Variants in DTNA observed in about 807,000 individuals in gnomAD.
DTNA encodes dystrobrevin alpha, also known as dystrophin-related protein 3.
A neutral mutation model predicts 100.7 loss-of-function variants in DTNA; 43 were observed. That is an observed-to-expected ratio of 0.43 (90% confidence interval 0.33 to 0.55). The LOEUF (loss-of-function observed/expected upper bound fraction) is 0.55, where lower values mean the gene tolerates loss of function less well. Ranked by LOEUF, DTNA falls within the 20% of genes least tolerant of loss-of-function variation. The pLI is 0.04. For missense variants in DTNA, 798 were observed against 953.9 expected (o/e 0.84, Z 2.15); for synonymous variants, 349 against 347.9 (o/e 1.00, Z -0.04).
At chr18:34,757,375 T>C (rs1250645971) in intron 2 of DTNA, 2 of 152,162 alleles carry the variant, frequency 1.3e-5, no homozygotes, top group Non-Finnish European at 2.9e-5. Context: ...CATAAAATTA[T>C]GTCTTATATT....
chr18:34,541,694 A>C (rs947178034), intron 1 of DTNA, among the ~76,000 whole-genome samples: 1 of 152,098 alleles, frequency 6.6e-6, no homozygotes, highest in Non-Finnish European at 1.5e-5. Context: ...CATTCAGGAA[A>C]TAGGTTAGAA....
rs190455210 is a variant in DTNA at position 34,873,470 on chromosome 18, C to A, written c.1744-1769C>A. Among the ~76,000 whole-genome samples the A allele has an allele frequency of 2.6e-5, 4 of 152,324 alleles. No homozygotes were observed. In the East Asian group the frequency reaches 5.8e-4, roughly 22 times the overall value. ...GGAAGAGCTCAGGGCATCTGACCAG[C>A]GTCTGTCTCCATTGAGGGACTTTTT... On this transcript the variant is annotated intron_variant, in intron 17 of 22. Transcript: ENST00000444659.
At chr18:34,789,391 A>G (rs1447928451) in intron 3 of DTNA, among the ~76,000 whole-genome samples, 1 of 152,246 alleles carries the variant, frequency 6.6e-6, no homozygotes, top group Non-Finnish European at 1.5e-5. Context: ...CCATGTCTTC[A>G]TACTCAGCAT....
At chr18:34,716,161 G>T (rs570665068) in intron 1 of DTNA, among the ~76,000 whole-genome samples, 1 of 152,112 alleles carries the variant, frequency 6.6e-6, no homozygotes, top group Non-Finnish European at 1.5e-5. Flanking sequence ...ATAGTCTAAC[G>T]TATTTACATA....
At chr18:34,597,107 GT>G (rs2147081058) in intron 1 of DTNA, among the ~76,000 whole-genome samples, 1 of 152,184 alleles carries the variant, frequency 6.6e-6, no homozygotes, top group Non-Finnish European at 1.5e-5. Context: ...GTGGTGTTCG[GT>G]TTTCTGTTCC....
chr18:34,529,968 A>G (rs1467213567), intron 1 of DTNA, among the ~76,000 whole-genome samples: 1 of 152,176 alleles, frequency 6.6e-6, no homozygotes, highest in Non-Finnish European at 1.5e-5. Flanking sequence ...TGCAACTACC[A>G]GGGGCTTTCC....
At chr18:34,847,065 C>T (rs2096392569) in intron 13 of DTNA, among the ~76,000 whole-genome samples, 1 of 152,124 alleles carries the variant, frequency 6.6e-6, no homozygotes, top group Non-Finnish European at 1.5e-5. Flanking sequence ...AACCAATAAG[C>T]CAAACTACAA....
At position 34,851,861 on chromosome 18, in the gene DTNA, A is replaced by C; in HGVS notation, c.1465A>C (p.Ile489Leu). The C allele has an allele frequency of 1.2e-6, 2 of 1,614,096 alleles. No individual in the cohort carries two copies. Among genetic ancestry groups the C allele is most frequent in the Non-Finnish European group, 1.7e-6 (2 of 1,179,940 alleles). Residue 489 changes from isoleucine (I) to leucine (L), a missense_variant, in exon 15 of 23, where the codon ATC becomes CTC. Coordinates refer to ENST00000444659, the MANE Select transcript of DTNA (RefSeq NM_001386795.1). ...QPPQQRSAPD[I>L]SFTIDANKQQ... ...ACCTCAGCAGAGAAGTGCTCCTGACATCTCTTTCACCATCGATGCGAATAA... is the reference window on the plus strand; with the variant it reads ...ACCTCAGCAGAGAAGTGCTCCTGACCTCTCTTTCACCATCGATGCGAATAA...
chr18:34,656,450 G>A (rs973588822), intron 1 of DTNA, among the ~76,000 whole-genome samples: 4 of 152,110 alleles, frequency 2.6e-5, no homozygotes, highest in African/African-American at 9.7e-5. Flanking sequence ...CTCTTTAGGG[G>A]AACAGGGTGC....
intron 12 of DTNA, 61 bp downstream of exon 12, chr18:34,838,232 T>C: frequency 6.3e-7 from 1 of 1,575,548 alleles, no homozygotes; most frequent in Non-Finnish European, 8.7e-7. Context: ...TGGAGATTTC[T>C]TTTGTCAAAA....
rs1287088683 is a variant in DTNA at position 34,888,305 on chromosome 18, A to G, written c.*571A>G. 2 of 985,710 alleles carry G rather than the reference A, an allele frequency of 2.0e-6. No homozygotes were observed. The highest frequency in any genetic ancestry group is 2.3e-4 in the East Asian group (2 of 8,826). The allele number at this position is 985,710 out of a possible 1,614,324, so 61.1% of individuals were successfully genotyped here. A position where few individuals can be genotyped will look rare whatever the true frequency, so the allele number is the denominator to read the frequency against. Reference sequence around the variant, plus strand: ...AATTGGAAAAAAACAACCACTTGCAATCATTCAATAACCCTGAAGAATTTG... The same window carrying G: ...AATTGGAAAAAAACAACCACTTGCAGTCATTCAATAACCCTGAAGAATTTG... On this transcript the variant is annotated 3_prime_UTR_variant, in exon 23 of 23. Transcript: ENST00000444659.
chr18:34,851,767 T>A, intron 14 of DTNA, 64 bp from the exon 15 acceptor site: 1 of 1,538,418 alleles, frequency 6.5e-7, no homozygotes, highest in Non-Finnish European at 9.0e-7. Flanking sequence ...TCATGACTCC[T>A]GCCTTCCCAA....
At chr18:34,822,793 C>T (rs564767499) in intron 9 of DTNA, among the ~76,000 whole-genome samples, 1 of 152,196 alleles carries the variant, frequency 6.6e-6, no homozygotes, top group South Asian at 2.1e-4. Context: ...CCTCACAATG[C>T]GTTCTTAGTT....
At chr18:34,725,463 A>G (rs1173853435) in intron 1 of DTNA, among the ~76,000 whole-genome samples, 2 of 152,016 alleles carry the variant, frequency 1.3e-5, no homozygotes, top group African/African-American at 4.8e-5. Flanking sequence ...TTCTCAAAAG[A>G]AGACATTTAT....
At chr18:34,611,309 C>A (rs2054164435) in intron 1 of DTNA, among the ~76,000 whole-genome samples, 1 of 152,108 alleles carries the variant, frequency 6.6e-6, no homozygotes, top group Non-Finnish European at 1.5e-5. Flanking sequence ...AACTCTAGTG[C>A]AAATCCCTTT....
intron 9 of DTNA, chr18:34,825,342 GAC>G: frequency 6.3e-7 from 1 of 1,598,860 alleles, no homozygotes; most frequent in South Asian, 1.1e-5. Flanking sequence ...GTGGGGATGA[GAC>G]ACAAAACAAG....
chr18:34,785,859 C>T (rs2094491083), intron 3 of DTNA, among the ~76,000 whole-genome samples: 1 of 151,968 alleles, frequency 6.6e-6, no homozygotes, highest in Non-Finnish European at 1.5e-5. Flanking sequence ...TTCTAGAAAC[C>T]AGAACAGCAC....
intron 1 of DTNA, among the ~76,000 whole-genome samples, chr18:34,667,101 A>G (rs2076043404): frequency 6.6e-6 from 1 of 152,154 alleles, no homozygotes; most frequent in African/African-American, 2.4e-5. Context: ...TATTTCATTG[A>G]GCAGTGATTT....
chr18:34,850,438 A>G (rs1210604096), intron 14 of DTNA, among the ~76,000 whole-genome samples: 2 of 152,210 alleles, frequency 1.3e-5, no homozygotes, highest in African/African-American at 4.8e-5. Context: ...TAGGACCTCA[A>G]AATTTCTTGT....
Sources: allele counts gnomAD v4.1 joint callset (sites outside exome capture counted in the v4.1 genomes callset), GRCh38; gene constraint gnomAD v4.1.1; transcripts MANE v1.5; gene names NCBI Gene and HGNC (gene_info 2026-07-23, HGNC 2026-07-21).